The following MYLK4 variants were observed in gnomAD, a reference collection of about 807,000 sequenced individuals.
MYLK4 encodes the protein caMLCK like.
MYLK4 carries 46 observed loss-of-function variants against 48.1 expected under a neutral mutation model. The ratio of observed to expected loss-of-function variants is 0.96; its 90% CI spans 0.75 to 1.22. The LOEUF (loss-of-function observed/expected upper bound fraction) is 1.22, where lower values mean the gene tolerates loss of function less well. MYLK4 is among the 50% of genes most tolerant of loss of function. The pLI is 0.00. For synonymous variants in MYLK4, 170 were observed against 180.8 expected, an observed-to-expected ratio of 0.94 and a Z score of 0.48; for missense variants, 451 against 486.1, an observed-to-expected ratio of 0.93 and a Z score of 0.68.
chr6:2,680,434 C>T (rs1945874535), intron 7 of MYLK4, 143 bp from the exon 8 acceptor site: 2 of 1,507,214 alleles, frequency 1.3e-6, no homozygotes, highest in Non-Finnish European at 1.8e-6. Flanking sequence ...CGTGTGGGTA[C>T]TTTCTCCTTT....
At chr6:2,730,099 C>T (rs569508880) in intron 2 of MYLK4, among the ~76,000 whole-genome samples, 10 of 152,330 alleles carry the variant, frequency 6.6e-5, no homozygotes, top group East Asian at 1.9e-4. Context: ...GGAAGCGTTC[C>T]GCAGGCCATC....
In MYLK4 at chr6:2,665,406, A is replaced by G. The variant is rs1362095428; in HGVS notation, c.*2519T>C. 6.6e-6 allele frequency: 1 copy of G among 152,252 alleles called. No homozygotes were observed. Among genetic ancestry groups the G allele is most frequent in the Non-Finnish European group, 1.5e-5 (1 of 68,078 alleles). 9.4% of individuals were successfully genotyped at this position (152,252 alleles called of 1,614,324 possible). A position where few individuals can be genotyped will look rare whatever the true frequency, so the allele number is the denominator to read the frequency against. ...TACCCTCAGCACTCATATAAAAGGC[A>G]CCCTGCTGGCATGGAGATGCCTTCC... On this transcript the variant is annotated 3_prime_UTR_variant, in exon 13 of 13. Coordinates refer to ENST00000274643, the MANE Select transcript of MYLK4 (RefSeq NM_001012418.5).
At chr6:2,714,223 TG>T (rs1762784671) in intron 2 of MYLK4, among the ~76,000 whole-genome samples, 1 of 152,284 alleles carries the variant, frequency 6.6e-6, no homozygotes, top group East Asian at 1.9e-4. Context: ...CTGGCCCCAT[TG>T]CTCATTAGCA....
rs927046007 is a variant in MYLK4 at position 2,679,395 on chromosome 6, C to T, written c.772G>A (p.Glu258Lys). 1 of 1,614,200 alleles carries T rather than the reference C, an allele frequency of 6.2e-7. No individual in the cohort carries two copies. Among genetic ancestry groups the T allele is most frequent in the Non-Finnish European group, 8.5e-7 (1 of 1,180,028 alleles). ...GTTCCAAAGTTCACCTTCAGCTTCT[C>T]TCTGGGTTTGTATCTGCAATTTAAG... ...FGLARRYKPR[E>K]KLKVNFGTPE... Residue 258 changes from glutamate to lysine, a missense_variant, in exon 9 of 13, where the codon GAG becomes AAG. Glu to Lys is a moderately conservative substitution (Grantham distance 56). Transcript: ENST00000274643.
rs181866131 is a variant in MYLK4 at position 2,749,545 on chromosome 6, C to G, written c.-112-139G>C. The G allele has an allele frequency of 1.6e-3, 536 of 340,114 alleles. 1 individual carries two copies. The highest frequency in any genetic ancestry group is 2.4e-3 in the Admixed American group (54 of 22,870). 21.1% of individuals were successfully genotyped at this position (340,114 alleles called of 1,614,324 possible). A position where few individuals can be genotyped will look rare whatever the true frequency, so the allele number is the denominator to read the frequency against. ...CCAAAATCAGGAAAAGAAATACTAA[C>G]ATTCATATTGAGTTTCCAACATTGG... On this transcript the variant is annotated intron_variant, in intron 1 of 12. Coordinates refer to ENST00000274643, the MANE Select transcript of MYLK4 (RefSeq NM_001012418.5).
At chr6:2,723,859 ATTATT>A (rs922110281) in intron 2 of MYLK4, among the ~76,000 whole-genome samples, 8 of 151,872 alleles carry the variant, frequency 5.3e-5, no homozygotes, top group Non-Finnish European at 7.4e-5. Context: ...TTGGTGATTG[ATTATT>A]TTATTTTATT....
At chr6:2,762,917 G>A in the MYLK4 span, among the ~76,000 whole-genome samples, 2,064 of 152,274 alleles carry the variant, frequency 0.014, 16 homozygotes, top group Non-Finnish European at 0.02. Flanking sequence ...TCTCCACAGT[G>A]AGTATTACCA....
chr6:2,672,749 T>C lies in MYLK4; in HGVS notation c.1120-1401A>G, dbSNP rs1760949006. On this transcript the variant is annotated intron_variant, in intron 11 of 12. Coordinates refer to ENST00000274643, the MANE Select transcript of MYLK4 (RefSeq NM_001012418.5). This position sits in a 1 kb window ranked among gnomAD's most constrained non-coding sequence, Gnocchi z 4.3. ...AAACTGTATGGTACAAGAAAGGCTC[T>C]GGAAGCATCGCTCAGGTCCCCTGTA... 6.6e-6 allele frequency among the ~76,000 whole-genome samples: 1 copy of C among 152,224 alleles called. No homozygotes were observed. The highest frequency in any genetic ancestry group is 1.5e-5 in the Non-Finnish European group (1 of 68,042).
intron 2 of MYLK4, among the ~76,000 whole-genome samples, chr6:2,699,287 C>CTTTTTTTGTTTTTT (rs1762188411): frequency 1.3e-5 from 1 of 77,894 alleles, no homozygotes; most frequent in Non-Finnish European, 2.2e-5. Context: ...CTTTTCTTTT[C>CTTTTTTTGTTTTTT]TTTTTTTTTT....
chr6:2,668,000 T>A (rs1452013050), intron 12 of MYLK4, 101 bp from the exon 13 acceptor site: 6 of 151,774 alleles, frequency 4.0e-5, no homozygotes, highest in South Asian at 2.1e-4. Context: ...TGATTTTTTT[T>A]AATAACATAT....
At chr6:2,707,078 T>G (rs1582075011) in intron 2 of MYLK4, among the ~76,000 whole-genome samples, 1 of 152,196 alleles carries the variant, frequency 6.6e-6, no homozygotes. Flanking sequence ...GGAACATACC[T>G]GCACAAAGCA....
At chr6:2,735,024 T>C (rs1339628891) in intron 2 of MYLK4, among the ~76,000 whole-genome samples, 1 of 152,234 alleles carries the variant, frequency 6.6e-6, no homozygotes, top group African/African-American at 2.4e-5. Flanking sequence ...AAACAGCACC[T>C]GTCAAAGCTT....
chr6:2,700,231 T>C (rs1473152481), intron 2 of MYLK4, among the ~76,000 whole-genome samples: 3 of 152,154 alleles, frequency 2.0e-5, no homozygotes, highest in African/African-American at 7.2e-5. Flanking sequence ...CTGTTTTTGT[T>C]ATCCAAACTG....
chr6:2,745,240 T>C (rs573420081), intron 2 of MYLK4, among the ~76,000 whole-genome samples: 2 of 152,286 alleles, frequency 1.3e-5, no homozygotes, highest in East Asian at 3.9e-4. Context: ...CTACTAAATA[T>C]TCAAGTAAAT....
At chr6:2,713,604 T>C (rs1292260043) in intron 2 of MYLK4, among the ~76,000 whole-genome samples, 1 of 152,136 alleles carries the variant, frequency 6.6e-6, no homozygotes, top group Non-Finnish European at 1.5e-5. Context: ...AACAACGCTC[T>C]CCCTTTACGT....
rs1280610650 is a variant in MYLK4 at position 2,685,371 on chromosome 6, T to A, written c.470A>T (p.Gln157Leu). 6.2e-7 allele frequency: 1 copy of A among 1,612,196 alleles called. No individual in the cohort carries two copies. The highest frequency in any genetic ancestry group is 1.1e-5 in the South Asian group (1 of 90,968). The change falls in exon 6 of 13, where the codon CAG (glutamine) becomes CTG (leucine). Residue 157 changes from glutamine (Q) to leucine (L), a missense_variant. By Grantham distance (113) the Gln-to-Leu change is moderately radical (BLOSUM62 -2). Coordinates refer to ENST00000274643, the MANE Select transcript of MYLK4 (RefSeq NM_001012418.5). The surrounding 1 kb of genome is among the most constrained non-coding windows in gnomAD (Gnocchi z 4.5). ...CTGGATGAGGTTCGCGTGGTCCAGC[T>A]GGTTCATGACGCTGATCTCGTTCTT... ...EVKNEISVMN[Q>L]LDHANLIQLY...
At chr6:2,760,431 T>C in the MYLK4 span, among the ~76,000 whole-genome samples, 2 of 152,222 alleles carry the variant, frequency 1.3e-5, no homozygotes, top group East Asian at 1.9e-4. Flanking sequence ...AGAGTTTTTA[T>C]TGAGGTTTCA....
chr6:2,766,249 C>G, the MYLK4 span: 1 of 1,509,422 alleles, frequency 6.6e-7, no homozygotes, highest in Non-Finnish European at 8.9e-7. Context: ...GCCGCCCGCA[C>G]CCCCGGGCGC....
At chr6:2,739,176 A>G (rs1241669056) in intron 2 of MYLK4, among the ~76,000 whole-genome samples, 1 of 152,174 alleles carries the variant, frequency 6.6e-6, no homozygotes, top group Non-Finnish European at 1.5e-5. Flanking sequence ...AACTTCGGCC[A>G]GGCACAGTGG....
Sources: gnomAD v4.1 joint callset for allele counts (sites outside exome capture counted in the v4.1 genomes callset) on GRCh38, gnomAD v4.1.1 for gene constraint, Gnocchi (gnomAD v3.1) non-coding constraint, MANE v1.5 for transcripts, NCBI Gene and HGNC (gene_info 2026-07-23, HGNC 2026-07-21) for gene names.